The following DAPP1 variants were observed in gnomAD, a reference collection of about 807,000 sequenced individuals.
DAPP1 encodes dual adapter for phosphotyrosine and 3-phosphotyrosine and 3-phosphoinositide.
DAPP1 carries 20 observed loss-of-function variants against 41.5 expected under a neutral mutation model. The observed-to-expected ratio is 0.48, with a 90% CI of 0.34 to 0.70. DAPP1 has a LOEUF of 0.70. DAPP1 is among the 30% of genes least tolerant of loss of function. The probability of loss-of-function intolerance (pLI) is 0.01; values close to 1 mark genes in which losing one functional copy is unlikely to be tolerated. For missense variants in DAPP1, 233 were observed against 333.4 expected (o/e 0.70, Z 2.35); for synonymous variants, 113 against 116.2 (o/e 0.97, Z 0.18).
In DAPP1 at chr4:99,866,673, G is replaced by A. The variant is rs895642018; in HGVS notation, c.774+552G>A. The stretch of plus-strand genomic sequence containing the variant: ...CTACTTGTTTTTCATGTGCTTGCAA[G>A]TTAGTGAGTTCTTAGCCAAGAACTT... On this transcript the variant is annotated intron_variant, in intron 8 of 8. Coordinates refer to ENST00000512369, the MANE Select transcript of DAPP1 (RefSeq NM_014395.3). The A allele has an allele frequency of 9.4e-6, 7 of 747,792 alleles. No individual in the cohort carries two copies. The African/African-American group carries it at 1.0e-4, about 11-fold the overall frequency. The allele number at this position is 747,792 out of a possible 1,614,324, so 46.3% of individuals were successfully genotyped here. A position where few individuals can be genotyped will look rare whatever the true frequency, so the allele number is the denominator to read the frequency against.
At position 99,866,112 on chromosome 4, in the gene DAPP1, C is replaced by A. The variant is rs1578194768; in HGVS notation, c.765C>A (p.Arg255=). The A allele has an allele frequency of 6.3e-7, 1 of 1,592,566 alleles. No individual in the cohort carries two copies. The highest frequency in any genetic ancestry group is 8.6e-7 in the Non-Finnish European group (1 of 1,164,012). The part of the protein sequence containing the change: ...VEADEWIKIL[R]WKLSQIRKQL... ...CTGATGAGTGGATCAAGATATTACG[C>A]TGGAAATTGGTGAGAATTTTTAAGC... The change falls in exon 8 of 9, where the codon CGC becomes CGA. Residue 255 remains arginine (R), a synonymous_variant. Transcript: ENST00000512369.
intron 3 of DAPP1, 125 bp downstream of exon 3, chr4:99,840,547 C>A: frequency 8.7e-7 from 1 of 1,155,276 alleles, no homozygotes; most frequent in Non-Finnish European, 1.2e-6. Flanking sequence ...GAAGAGAAAA[C>A]AATGTATTTT....
chr4:99,868,247 G>C lies in DAPP1; in HGVS notation c.*62G>C. ...AGGTGGAATGTTTCCCTGACGCTGT[G>C]ATCTGCAGCAGGCTTCAAATGAAAA... is the stretch of plus-strand genomic sequence containing the variant. On this transcript the variant is annotated 3_prime_UTR_variant, in exon 9 of 9. Coordinates refer to ENST00000512369, the MANE Select transcript of DAPP1 (RefSeq NM_014395.3). 1 of 1,402,340 alleles carries C rather than the reference G, an allele frequency of 7.1e-7. No homozygotes were observed. Among genetic ancestry groups the C allele is most frequent in the Non-Finnish European group, 1.0e-6 (1 of 989,558 alleles). The allele number at this position is 1,402,340 out of a possible 1,614,324, so 86.9% of individuals were successfully genotyped here.
chr4:99,866,894 C>T (rs1187063261), intron 8 of DAPP1, among the ~76,000 whole-genome samples: 2 of 151,108 alleles, frequency 1.3e-5, no homozygotes, highest in South Asian at 2.1e-4. Flanking sequence ...CTCAGCCTCC[C>T]GAATAGCTGG....
chr4:99,822,246 G>A (rs913768592), intron 1 of DAPP1, among the ~76,000 whole-genome samples: 1 of 152,156 alleles, frequency 6.6e-6, no homozygotes, highest in African/African-American at 2.4e-5. Flanking sequence ...GAGTCACTTT[G>A]TTTCATTCAT....
At chr4:99,865,513 C>T (rs1041240200) in intron 7 of DAPP1, 2 of 151,984 alleles carry the variant, frequency 1.3e-5, no homozygotes, top group African/African-American at 4.8e-5. Flanking sequence ...TTGAAATTGC[C>T]CACAACCACA....
chr4:99,840,513 T>A, intron 3 of DAPP1, 91 bp downstream of exon 3: 1 of 1,378,658 alleles, frequency 7.3e-7, no homozygotes, highest in Non-Finnish European at 9.9e-7. Context: ...GTCATTGTTG[T>A]CATTTATATT....
intron 3 of DAPP1, among the ~76,000 whole-genome samples, chr4:99,843,669 T>C (rs1461022202): frequency 6.6e-6 from 1 of 152,240 alleles, no homozygotes; most frequent in African/African-American, 2.4e-5. Context: ...GATAGAGATA[T>C]ACAATGTACT....
intron 1 of DAPP1, among the ~76,000 whole-genome samples, chr4:99,835,341 C>G (rs557781660): frequency 1.3e-5 from 2 of 152,256 alleles, no homozygotes; most frequent in East Asian, 3.9e-4. Flanking sequence ...AAGACCCTGT[C>G]TCCAAACAAG....
intron 2 of DAPP1, among the ~76,000 whole-genome samples, chr4:99,837,825 C>T (rs1723352858): frequency 6.6e-6 from 1 of 151,882 alleles, no homozygotes; most frequent in South Asian, 2.1e-4. Flanking sequence ...CAGTGGGAGC[C>T]CTGAACTTGT....
chr4:99,818,688 C>G (rs914383009), intron 1 of DAPP1, among the ~76,000 whole-genome samples: 3 of 144,336 alleles, frequency 2.1e-5, no homozygotes, highest in African/African-American at 7.7e-5. Flanking sequence ...CACTTCCCTG[C>G]AAAAAAAAAA....
chr4:99,818,598 G>A (rs1722668692), intron 1 of DAPP1, among the ~76,000 whole-genome samples: 1 of 152,062 alleles, frequency 6.6e-6, no homozygotes, highest in Non-Finnish European at 1.5e-5. Flanking sequence ...GCAACTACAG[G>A]TGAAACCCAC....
chr4:99,839,762 A>G (rs933698889), intron 2 of DAPP1, among the ~76,000 whole-genome samples: 1 of 152,180 alleles, frequency 6.6e-6, no homozygotes, highest in Admixed American at 6.5e-5. Flanking sequence ...CTTGTCTTCC[A>G]TTAGAGTGAA....
intron 2 of DAPP1, among the ~76,000 whole-genome samples, chr4:99,838,593 A>C (rs1358058626): frequency 6.6e-6 from 1 of 152,064 alleles, no homozygotes; most frequent in Non-Finnish European, 1.5e-5. Flanking sequence ...TGCAGTTCCC[A>C]ATAGGGTTCA....
intron 4 of DAPP1, among the ~76,000 whole-genome samples, chr4:99,858,769 T>C (rs560004914): frequency 1.3e-5 from 2 of 152,218 alleles, no homozygotes; most frequent in Non-Finnish European, 2.9e-5. Flanking sequence ...TTTCAATCAT[T>C]TTTATATCAA....
At position 99,863,011 on chromosome 4, in the gene DAPP1, C is replaced by A. The variant is rs1724295190; in HGVS notation, c.539C>A (p.Thr180Asn). Residue 180 changes from threonine (T) to asparagine (N), a missense_variant and splice_region_variant, in exon 6 of 9, where the codon ACC becomes AAC. Physicochemically the swap from Thr to Asn is moderately conservative, Grantham distance 65. Transcript: ENST00000512369. ...TGTGTGTGTGTGTGTTTTTCTCAGA[C>A]CTGGAAAACAAGATGGTTTACTCTG... ...YLTKQGGLVK[T>N]WKTRWFTLHR... The A allele has an allele frequency of 1.3e-6, 2 of 1,588,870 alleles. No individual in the cohort carries two copies. The highest frequency in any genetic ancestry group is 1.2e-5 in the South Asian group (1 of 85,578).
chr4:99,846,377 TTAAA>T (rs2110152232), intron 3 of DAPP1, among the ~76,000 whole-genome samples: 1 of 152,306 alleles, frequency 6.6e-6, no homozygotes, highest in South Asian at 2.1e-4. Flanking sequence ...CTCAGGTAAG[TTAAA>T]TAATCTCTCT....
At chr4:99,858,844 C>T (rs552004283) in intron 4 of DAPP1, among the ~76,000 whole-genome samples, 7 of 151,976 alleles carry the variant, frequency 4.6e-5, no homozygotes, top group South Asian at 2.1e-4. Context: ...TTTGGCCAGT[C>T]GGGGAAAGAG....
chr4:99,851,902 G>A (rs1370282773), intron 3 of DAPP1, among the ~76,000 whole-genome samples: 4 of 151,770 alleles, frequency 2.6e-5, no homozygotes, highest in African/African-American at 9.7e-5. Context: ...TAACCACAGA[G>A]GAGACATTTT....
Sources: gnomAD v4.1 joint callset for allele counts (sites outside exome capture counted in the v4.1 genomes callset) on GRCh38, gnomAD v4.1.1 for gene constraint, MANE v1.5 for transcripts, NCBI Gene and HGNC (gene_info 2026-07-23, HGNC 2026-07-21) for gene names.